Variants in SMURF2 observed in about 807,000 individuals in gnomAD.
SMURF2 encodes SMAD specific E3 ubiquitin protein ligase 2.
Under a neutral mutation model 109.6 loss-of-function variants are expected in SMURF2, and 48 were observed. The ratio of observed to expected loss-of-function variants is 0.44; its 90% CI spans 0.35 to 0.56. The LOEUF (loss-of-function observed/expected upper bound fraction) is 0.56, where lower values mean the gene tolerates loss of function less well. Among genes scored for constraint, SMURF2 ranks in the 20% least tolerant of loss-of-function variants. The pLI, the probability that SMURF2 is intolerant of heterozygous loss-of-function variation, is 0.01. For missense variants in SMURF2, 575 were observed against 909.0 expected (o/e 0.63, Z 4.72); for synonymous variants, 288 against 317.1 (o/e 0.91, Z 0.97).
chr17:64,562,802 C>A lies in SMURF2; in HGVS notation c.1181G>T (p.Arg394Leu), dbSNP rs782703994. 1 of 1,613,980 alleles carries A rather than the reference C, an allele frequency of 6.2e-7. No individual in the cohort carries two copies. The highest frequency in any genetic ancestry group is 2.2e-5 in the East Asian group (1 of 44,884). Reference protein sequence around the residue: ...SQQQPQAGHCRIEVSREEIFE... With the variant: ...SQQQPQAGHCLIEVSREEIFE... Reference sequence around the variant, plus strand: ...AATCTCTTCCCTGGAAACCTCAATGCGGCAATGACCTGCCTGAGGCTGTTG... The same window carrying A: ...AATCTCTTCCCTGGAAACCTCAATGAGGCAATGACCTGCCTGAGGCTGTTG... The change falls in exon 11 of 19, where the codon CGC (arginine) becomes CTC (leucine). Residue 394 changes from arginine to leucine, a missense_variant. Physicochemically the swap from Arg to Leu is moderately radical, Grantham distance 102. Transcript: ENST00000262435.
At chr17:64,608,043 A>AAATG (rs1401811277) in intron 1 of SMURF2, among the ~76,000 whole-genome samples, 5 of 148,824 alleles carry the variant, frequency 3.4e-5, no homozygotes, top group South Asian at 2.1e-4. Flanking sequence ...ATAAATAAAT[A>AAATG]AATCTGCTTA....
chr17:64,547,593 C>CTGT lies in SMURF2; in HGVS notation c.2071+4_2071+6dup, dbSNP rs782212570. 30 of 1,613,814 alleles carry CTGT rather than the reference C, an allele frequency of 1.9e-5. No individual in the cohort carries two copies. The highest frequency in any genetic ancestry group is 2.5e-5 in the Non-Finnish European group (30 of 1,179,940). ...CTGCCCAGCTTGCCTGCACCTCAGG[C>CTGT]TGTTACCTTGCAATGCTTTGAAGCC... On this transcript the variant is annotated splice_region_variant and intron_variant, in intron 17 of 18. Transcript: ENST00000262435. This position sits in a 1 kb window ranked among gnomAD's most constrained non-coding sequence, Gnocchi z 4.2.
At chr17:64,571,652 C>CA in intron 10 of SMURF2, 146 bp downstream of exon 10, 1 of 782,760 alleles carries the variant, frequency 1.3e-6, no homozygotes. Flanking sequence ...CCCCTGGCCT[C>CA]AAGTGATCCT....
chr17:64,595,236 C>T (rs1335377266), intron 3 of SMURF2, among the ~76,000 whole-genome samples: 1 of 152,112 alleles, frequency 6.6e-6, no homozygotes, highest in Non-Finnish European at 1.5e-5. Flanking sequence ...GGAAGATAGC[C>T]TAACTCTGAA....
chr17:64,595,100 C>T (rs1427839098), intron 3 of SMURF2, among the ~76,000 whole-genome samples: 8 of 152,176 alleles, frequency 5.3e-5, no homozygotes, highest in African/African-American at 1.7e-4. Context: ...GGGCAACGCA[C>T]CACTGGCTTA....
Position 64,581,711 on chromosome 17 carries a change from G to A in SMURF2, c.570-720C>T, listed in dbSNP as rs567446802. On this transcript the variant is annotated intron_variant, in intron 7 of 18. Coordinates refer to ENST00000262435, the MANE Select transcript of SMURF2 (RefSeq NM_022739.4). The surrounding 1 kb of genome is among the most constrained non-coding windows in gnomAD (Gnocchi z 4.3). ...TGTAATCCCAGCACTTTGGGAGACCGAAGCGAGCGGATCACTTGAGGTCAG... is the reference window on the plus strand; with the variant it reads ...TGTAATCCCAGCACTTTGGGAGACCAAAGCGAGCGGATCACTTGAGGTCAG... Among the ~76,000 whole-genome samples the A allele has an allele frequency of 6.2e-4, 94 of 152,226 alleles. No homozygotes were observed. The highest frequency in any genetic ancestry group is 9.4e-4 in the Non-Finnish European group (64 of 68,008).
At chr17:64,584,335 T>C (rs1434216678) in intron 6 of SMURF2, among the ~76,000 whole-genome samples, 4 of 134,712 alleles carry the variant, frequency 3.0e-5, no homozygotes, top group African/African-American at 5.8e-5. Flanking sequence ...AAAAAAAAAA[T>C]CGAAACAGCT....
In SMURF2 at chr17:64,661,886, C is replaced by A; in HGVS notation, c.-6G>T. The A allele has an allele frequency of 8.3e-7, 1 of 1,202,284 alleles. No homozygotes were observed. The highest frequency in any genetic ancestry group is 1.0e-6 in the Non-Finnish European group (1 of 969,660). The allele number at this position is 1,202,284 out of a possible 1,614,324, so 74.5% of individuals were successfully genotyped here. ...CGGCCTCCGGGGTTAGACATGTCCC[C>A]GGCGGCGGGGGCGGCGGGGGCGGCG... On this transcript the variant is annotated 5_prime_UTR_variant, in exon 1 of 19. Transcript: ENST00000262435.
chr17:64,587,700 A>C (rs1969682919), intron 5 of SMURF2, among the ~76,000 whole-genome samples: 1 of 152,224 alleles, frequency 6.6e-6, no homozygotes, highest in African/African-American at 2.4e-5. Flanking sequence ...CTTGATATTA[A>C]GTCCCATTTA....
intron 1 of SMURF2, among the ~76,000 whole-genome samples, chr17:64,632,969 T>C (rs1403711897): frequency 2.0e-5 from 3 of 152,220 alleles, no homozygotes; most frequent in African/African-American, 7.2e-5. Context: ...ACAGTATTTA[T>C]TGTTATAACA....
intron 10 of SMURF2, among the ~76,000 whole-genome samples, chr17:64,569,767 A>G (rs1394679761): frequency 6.6e-6 from 1 of 152,260 alleles, no homozygotes; most frequent in Non-Finnish European, 1.5e-5. Flanking sequence ...TAGCCACTTT[A>G]GAAAAGTTAC....
intron 12 of SMURF2, among the ~76,000 whole-genome samples, chr17:64,559,003 T>C (rs892422159): frequency 1.3e-5 from 2 of 152,174 alleles, no homozygotes; most frequent in African/African-American, 4.8e-5. Context: ...TAAATTAAAT[T>C]ACTACCATTA....
At chr17:64,612,585 A>C (rs1970060201) in intron 1 of SMURF2, among the ~76,000 whole-genome samples, 1 of 152,054 alleles carries the variant, frequency 6.6e-6, no homozygotes, top group African/African-American at 2.4e-5. Context: ...GAGGCATGAG[A>C]ATCACTTGAG....
At chr17:64,596,076 A>AT (rs1555688072) in intron 3 of SMURF2, among the ~76,000 whole-genome samples, 1 of 151,970 alleles carries the variant, frequency 6.6e-6, no homozygotes, top group African/African-American at 2.4e-5. Flanking sequence ...AAAACCGCTG[A>AT]TTTTTTAGAG....
At chr17:64,619,478 C>CAAAAAAAA (rs552413988) in intron 1 of SMURF2, among the ~76,000 whole-genome samples, 1 of 34,908 alleles carries the variant, frequency 2.9e-5, no homozygotes, top group African/African-American at 1.1e-4. Context: ...ACTCTTGTCT[C>CAAAAAAAA]AAAAAAAAAA....
rs782029938 is a variant in SMURF2, at chr17:64,547,848, A to G, written c.1870-47T>C. On this transcript the variant is annotated intron_variant, in intron 16 of 18. Transcript: ENST00000262435. The surrounding 1 kb of genome is among the most constrained non-coding windows in gnomAD (Gnocchi z 4.2). ...ATGAACCTGTGGAAACCACAGCCAG[A>G]CCAAAAATTCCTCAAAAGAGAACTT... The G allele has an allele frequency of 3.8e-6, 6 of 1,569,448 alleles. No individual in the cohort carries two copies. Among genetic ancestry groups the G allele is most frequent in the Non-Finnish European group, 4.4e-6 (5 of 1,141,294 alleles).
At chr17:64,551,536 C>G in intron 16 of SMURF2, 48 bp downstream of exon 16, 1 of 1,582,244 alleles carries the variant, frequency 6.3e-7, no homozygotes, top group Non-Finnish European at 8.6e-7. Context: ...AAATAATTCC[C>G]AATCCTTCCT....
chr17:64,639,019 C>A (rs80319692), intron 1 of SMURF2, among the ~76,000 whole-genome samples: 7,644 of 152,192 alleles, frequency 0.05, 318 homozygotes, highest in Admixed American at 0.14. Flanking sequence ...GGTAAAAAGA[C>A]GGCAATTTTA....
At chr17:64,660,629 A>G (rs1460940240) in intron 1 of SMURF2, 2 of 152,238 alleles carry the variant, frequency 1.3e-5, no homozygotes, top group Admixed American at 6.5e-5. Context: ...GCATTTAACT[A>G]CAAAATTAGT....
Sources: gnomAD v4.1 joint callset for allele counts (sites outside exome capture counted in the v4.1 genomes callset) on GRCh38, gnomAD v4.1.1 for gene constraint, Gnocchi (gnomAD v3.1) non-coding constraint, MANE v1.5 for transcripts, NCBI Gene and HGNC (gene_info 2026-07-23, HGNC 2026-07-21) for gene names.